The following KCNMA1 variants were observed in gnomAD, a reference collection of about 807,000 sequenced individuals.
The protein encoded by KCNMA1 is Calcium-activated potassium channel subunit alpha-1.
Under a neutral mutation model 140.0 loss-of-function variants are expected in KCNMA1, and 29 were observed. The ratio of observed to expected loss-of-function variants is 0.21; its 90% confidence interval spans 0.15 to 0.28. KCNMA1 has a LOEUF of 0.28. Among genes scored for constraint, KCNMA1 ranks in the 10% least tolerant of loss-of-function variants. KCNMA1 has a pLI of 1.00. For synonymous variants in KCNMA1, 612 were observed against 611.9 expected, an observed-to-expected ratio of 1.00 and a Z score of 0.00; for missense variants, 880 against 1,602.2, an observed-to-expected ratio of 0.55 and a Z score of 7.70.
intron 1 of KCNMA1, among the ~76,000 whole-genome samples, chr10:77,518,951 A>G (rs1444033435): frequency 6.6e-6 from 1 of 152,206 alleles, no homozygotes; most frequent in Non-Finnish European, 1.5e-5. Flanking sequence ...CATGGTTACT[A>G]TTAGAAAGTT....
At chr10:77,302,754 C>A (rs1367123519) in intron 2 of KCNMA1, among the ~76,000 whole-genome samples, 1 of 151,916 alleles carries the variant, frequency 6.6e-6, no homozygotes, top group Non-Finnish European at 1.5e-5. Context: ...ACTGATTGGT[C>A]TGTGAGTATG....
At chr10:77,602,792 C>T (rs759759406) in intron 1 of KCNMA1, among the ~76,000 whole-genome samples, 4 of 152,166 alleles carry the variant, frequency 2.6e-5, no homozygotes, top group South Asian at 2.1e-4. Flanking sequence ...TCATCCCTCC[C>T]GTGGATTTCG....
chr10:77,633,269 C>T (rs1342392058), intron 1 of KCNMA1, among the ~76,000 whole-genome samples: 2 of 151,996 alleles, frequency 1.3e-5, no homozygotes, highest in African/African-American at 2.4e-5. Flanking sequence ...GAGCCAAGAT[C>T]GTGCCGCTGC....
At chr10:77,181,784 C>T (rs1012260831) in intron 5 of KCNMA1, among the ~76,000 whole-genome samples, 1 of 152,010 alleles carries the variant, frequency 6.6e-6, no homozygotes, top group African/African-American at 2.4e-5. Flanking sequence ...AATCAGGATA[C>T]GATAAGCAAA....
At chr10:77,133,920 T>C (rs1490565042) in intron 5 of KCNMA1, among the ~76,000 whole-genome samples, 2 of 151,966 alleles carry the variant, frequency 1.3e-5, no homozygotes, top group Non-Finnish European at 2.9e-5. Flanking sequence ...AGCAATAGAA[T>C]AAGAAAGTAA....
chr10:77,213,083 C>T (rs2046602965), intron 3 of KCNMA1, among the ~76,000 whole-genome samples: 2 of 151,950 alleles, frequency 1.3e-5, no homozygotes, highest in African/African-American at 4.8e-5. Context: ...AATCTAATTA[C>T]ATAATCGGTG....
At chr10:76,917,561 T>G (rs1000176988) in intron 23 of KCNMA1, among the ~76,000 whole-genome samples, 2 of 152,170 alleles carry the variant, frequency 1.3e-5, no homozygotes, top group Admixed American at 6.6e-5. Flanking sequence ...CATTTTCCCC[T>G]TCAGTCACCA....
At chr10:76,902,455 A>G (rs1045572378) in intron 25 of KCNMA1, 34 of 152,290 alleles carry the variant, frequency 2.2e-4, no homozygotes, top group Admixed American at 2.0e-3. Flanking sequence ...GTTAGTCTTC[A>G]GGGATGCTTC....
At chr10:76,951,968 C>T in intron 21 of KCNMA1, 1 of 1,419,662 alleles carries the variant, frequency 7.0e-7, no homozygotes. Context: ...GTGTGTGGCA[C>T]ATAGTAGGCC....
At chr10:76,880,201 A>T (rs926798797), downstream of KCNMA1, among the ~76,000 whole-genome samples, 1 of 152,216 alleles carries the variant, frequency 6.6e-6, no homozygotes, top group African/African-American at 2.4e-5. Flanking sequence ...CAAAGTTGGC[A>T]TTTTGACCTT....
chr10:76,993,529 T>C (rs953787987), intron 19 of KCNMA1, among the ~76,000 whole-genome samples: 3 of 152,244 alleles, frequency 2.0e-5, no homozygotes, highest in African/African-American at 7.2e-5. Flanking sequence ...GTGCTTCACC[T>C]GCAGGGTCCT....
At chr10:76,997,169 T>C (rs7097408) in intron 19 of KCNMA1, among the ~76,000 whole-genome samples, 12,834 of 152,266 alleles carry the variant, frequency 0.084, 596 homozygotes, top group African/African-American at 0.12. Flanking sequence ...AGACTCGATA[T>C]TACACTAAAC....
chr10:77,220,726 TCCTTTTTACCC>T (rs931955349), intron 3 of KCNMA1, among the ~76,000 whole-genome samples: 10 of 152,024 alleles, frequency 6.6e-5, no homozygotes, highest in African/African-American at 1.9e-4. Flanking sequence ...TTGGATCTGG[TCCTTTTTACCC>T]CCTTAGCCAT....
At chr10:77,476,296 C>T (rs1185324662) in intron 1 of KCNMA1, among the ~76,000 whole-genome samples, 1 of 152,150 alleles carries the variant, frequency 6.6e-6, no homozygotes, top group East Asian at 1.9e-4. Flanking sequence ...CAAAGATGGC[C>T]CCAGAAAGGG....
intron 5 of KCNMA1, among the ~76,000 whole-genome samples, chr10:77,172,705 A>AC (rs936322337): frequency 4.7e-4 from 71 of 150,190 alleles, no homozygotes; most frequent in African/African-American, 1.4e-3. Flanking sequence ...AAAAAAACAA[A>AC]AAAAAAAAAG....
chr10:77,123,052 C>T (rs1270239648), intron 5 of KCNMA1, among the ~76,000 whole-genome samples: 7 of 151,048 alleles, frequency 4.6e-5, no homozygotes, highest in South Asian at 2.1e-4. Flanking sequence ...TGGTGGCGGG[C>T]GCCTGTAGTC....
At chr10:76,945,002 G>T (rs780087597) in intron 22 of KCNMA1, 37 bp from the exon 23 acceptor site, 13 of 1,563,870 alleles carry the variant, frequency 8.3e-6, no homozygotes, top group Admixed American at 1.7e-5. Context: ...ACAGAGATGG[G>T]GGGAGAAAGA....
At chr10:77,354,601 T>G (rs1207461935) in intron 2 of KCNMA1, 3 of 152,200 alleles carry the variant, frequency 2.0e-5, no homozygotes, top group African/African-American at 4.8e-5. Context: ...TGCTACAAAG[T>G]TCTAGATCAT....
intron 1 of KCNMA1, among the ~76,000 whole-genome samples, chr10:77,591,916 C>T (rs2079298939): frequency 6.6e-6 from 1 of 152,186 alleles, no homozygotes; most frequent in South Asian, 2.1e-4. Flanking sequence ...GCCCAACTGC[C>T]CATCAAGGCT....
Sources: gnomAD v4.1 joint callset for allele counts (sites outside exome capture counted in the v4.1 genomes callset) on GRCh38, gnomAD v4.1.1 for gene constraint, MANE v1.5 for transcripts, NCBI Gene and HGNC (gene_info 2026-07-23, HGNC 2026-07-21) for gene names.